GRIA1: variants seen among roughly 807,000 people sequenced by gnomAD.
GRIA1 encodes the protein glutamate receptor 1.
In GRIA1, 31 loss-of-function variants were observed where a neutral mutation model predicts 99.2. That is an observed-to-expected ratio of 0.31 (90% CI 0.23 to 0.42). The LOEUF is 0.42. Ranked by LOEUF, GRIA1 falls within the 10% of genes least tolerant of loss-of-function variation. The pLI, the probability that GRIA1 is intolerant of heterozygous loss-of-function variation, is 1.00. For missense variants in GRIA1, 782 were observed against 1,157.5 expected (o/e 0.68, Z 4.71); for synonymous variants, 438 against 432.4 (o/e 1.01, Z -0.16).
At chr5:153,537,357 G>T (rs1470779176) in intron 2 of GRIA1, among the ~76,000 whole-genome samples, 1 of 152,152 alleles carries the variant, frequency 6.6e-6, no homozygotes, top group Non-Finnish European at 1.5e-5. Context: ...CTCCCCCGCA[G>T]ACCTGCCTAG....
chr5:153,708,418 A>C (rs1759072189), intron 11 of GRIA1, among the ~76,000 whole-genome samples: 1 of 152,084 alleles, frequency 6.6e-6, no homozygotes, highest in African/African-American at 2.4e-5. Context: ...GTATCATAGG[A>C]GTTGACATTG....
At chr5:153,764,696 C>T in intron 12 of GRIA1, 64 bp downstream of exon 12, 4 of 1,181,922 alleles carry the variant, frequency 3.4e-6, no homozygotes, top group Non-Finnish European at 5.0e-6. Flanking sequence ...ATTAAAATGT[C>T]CTTCTCATTA....
chr5:153,679,191 T>G (rs1214646359), intron 7 of GRIA1, among the ~76,000 whole-genome samples: 2 of 152,164 alleles, frequency 1.3e-5, no homozygotes, highest in African/African-American at 4.8e-5. Flanking sequence ...AGCCAAGCAC[T>G]GAGGACAATA....
intron 2 of GRIA1, among the ~76,000 whole-genome samples, chr5:153,501,925 T>G (rs528876073): frequency 3.3e-4 from 51 of 152,318 alleles, no homozygotes; most frequent in African/African-American, 1.1e-3. Context: ...AAGGAAGACA[T>G]ACATAGCACT....
chr5:153,793,157 T>G (rs1765410512), intron 13 of GRIA1, among the ~76,000 whole-genome samples: 1 of 152,180 alleles, frequency 6.6e-6, no homozygotes, highest in South Asian at 2.1e-4. Flanking sequence ...AAGGTTCAGC[T>G]CTTTTAAAAA....
intron 8 of GRIA1, among the ~76,000 whole-genome samples, chr5:153,687,041 C>G (rs545657481): frequency 6.6e-6 from 1 of 151,908 alleles, no homozygotes; most frequent in East Asian, 1.9e-4. Flanking sequence ...TTCCTCCCCC[C>G]ATCTCCCTCC....
chr5:153,755,722 C>G (rs535162773), intron 11 of GRIA1: 1 of 152,190 alleles, frequency 6.6e-6, no homozygotes, highest in Non-Finnish European at 1.5e-5. Context: ...TAGGAGATAA[C>G]CTGCTCATAT....
chr5:153,804,894 G>A (rs1470940958), intron 15 of GRIA1, among the ~76,000 whole-genome samples: 1 of 152,076 alleles, frequency 6.6e-6, no homozygotes, highest in Non-Finnish European at 1.5e-5. Flanking sequence ...TGGGATTAGA[G>A]GCGTGTGCCA....
chr5:153,612,883 C>T (rs1425133065), intron 2 of GRIA1, among the ~76,000 whole-genome samples: 1 of 151,924 alleles, frequency 6.6e-6, no homozygotes, highest in African/African-American at 2.4e-5. Flanking sequence ...TGTGTGCTTC[C>T]CCTTCATAAA....
intron 2 of GRIA1, among the ~76,000 whole-genome samples, chr5:153,574,858 C>G (rs766846158): frequency 6.6e-6 from 1 of 152,094 alleles, no homozygotes; most frequent in Non-Finnish European, 1.5e-5. Context: ...CCCATCGGAA[C>G]AACCTAGGGC....
chr5:153,766,331 A>C (rs1257279731), intron 12 of GRIA1, among the ~76,000 whole-genome samples: 1 of 152,214 alleles, frequency 6.6e-6, no homozygotes, highest in Admixed American at 6.5e-5. Flanking sequence ...AGTGTGAAGA[A>C]GGTGCCTGTT....
At chr5:153,583,963 G>A (rs928593289) in intron 2 of GRIA1, among the ~76,000 whole-genome samples, 7 of 152,176 alleles carry the variant, frequency 4.6e-5, no homozygotes, top group African/African-American at 1.7e-4. Context: ...GCTCTCACTG[G>A]TCTCCAAGGA....
chr5:153,638,261 C>A (rs1259739291), intron 2 of GRIA1, among the ~76,000 whole-genome samples: 1 of 152,110 alleles, frequency 6.6e-6, no homozygotes, highest in Non-Finnish European at 1.5e-5. Flanking sequence ...GTGTCTAGCC[C>A]ATAGAGGAAA....
At chr5:153,622,127 C>A (rs1409814206) in intron 2 of GRIA1, among the ~76,000 whole-genome samples, 2 of 152,130 alleles carry the variant, frequency 1.3e-5, no homozygotes, top group African/African-American at 4.8e-5. Context: ...AATGAAAATT[C>A]TCGAGCCCCA....
At chr5:153,623,364 T>C (rs1767250942) in intron 2 of GRIA1, among the ~76,000 whole-genome samples, 1 of 152,196 alleles carries the variant, frequency 6.6e-6, no homozygotes, top group Non-Finnish European at 1.5e-5. Flanking sequence ...GGTTGTTTCT[T>C]ATTCATGTAA....
chr5:153,620,855 G>C (rs932639869), intron 2 of GRIA1, among the ~76,000 whole-genome samples: 2 of 152,140 alleles, frequency 1.3e-5, no homozygotes, highest in Non-Finnish European at 2.9e-5. Context: ...TCCTACCCTA[G>C]TTCTGCCTTT....
At chr5:153,684,590 T>G (rs1052466830) in intron 7 of GRIA1, among the ~76,000 whole-genome samples, 1 of 152,170 alleles carries the variant, frequency 6.6e-6, no homozygotes, top group African/African-American at 2.4e-5. Flanking sequence ...TGCACATCTA[T>G]CCAAGTCTGT....
At chr5:153,804,042 C>T (rs991605919) in intron 15 of GRIA1, among the ~76,000 whole-genome samples, 5 of 152,172 alleles carry the variant, frequency 3.3e-5, no homozygotes, top group African/African-American at 7.2e-5. Flanking sequence ...TCCATACTTT[C>T]GCCCCCACCT....
intron 2 of GRIA1, among the ~76,000 whole-genome samples, chr5:153,581,137 C>T (rs1033097213): frequency 9.9e-5 from 15 of 152,246 alleles, no homozygotes; most frequent in Non-Finnish European, 1.8e-4. Context: ...TGTGAGAAAT[C>T]ATCACTTGTC....
Sources: allele counts gnomAD v4.1 joint callset (sites outside exome capture counted in the v4.1 genomes callset), GRCh38; gene constraint gnomAD v4.1.1; transcripts MANE v1.5; gene names NCBI Gene and HGNC (gene_info 2026-07-23, HGNC 2026-07-21).